Variants in IQUB observed in about 807,000 individuals in gnomAD.
IQUB encodes IQ motif and ubiquitin domain containing.
In IQUB, 86 loss-of-function variants were observed where a neutral mutation model predicts 86.4. The ratio of observed to expected loss-of-function variants is 1.00; its 90% CI spans 0.84 to 1.19. The LOEUF (loss-of-function observed/expected upper bound fraction) is 1.19, where lower values mean the gene tolerates loss of function less well. Among genes scored for constraint, IQUB ranks in the 50% most tolerant of loss-of-function variants. IQUB has a pLI of 0.00. For missense variants in IQUB, 946 were observed against 916.9 expected (o/e 1.03, Z -0.41); for synonymous variants, 289 against 304.5 (o/e 0.95, Z 0.53).
intron 10 of IQUB, among the ~76,000 whole-genome samples, chr7:123,464,056 G>A (rs1794130594): frequency 6.6e-6 from 1 of 151,586 alleles, no homozygotes; most frequent in African/African-American, 2.4e-5. Flanking sequence ...GACTAAATAT[G>A]AGAATTTGTT....
At chr7:123,490,641 G>A (rs1795415537) in intron 7 of IQUB, among the ~76,000 whole-genome samples, 1 of 152,092 alleles carries the variant, frequency 6.6e-6, no homozygotes, top group South Asian at 2.1e-4. Context: ...TTGTATTCTA[G>A]TTGTTAAAAT....
chr7:123,466,481 C>G (rs939939180), intron 9 of IQUB, among the ~76,000 whole-genome samples: 5 of 152,094 alleles, frequency 3.3e-5, no homozygotes, highest in Non-Finnish European at 7.4e-5. Flanking sequence ...CCCTACCTAT[C>G]TCTGTCTTTC....
rs182865451 is a variant in IQUB, at chr7:123,473,634, G to A, written c.1411-4250C>T. The stretch of plus-strand genomic sequence containing the variant: ...TCTGTTGCCCAGGCTGGAGTGCAAT[G>A]GTGCAATCTCGGCTCACTGCAGCTT... On this transcript the variant is annotated intron_variant, in intron 8 of 12. Transcript: ENST00000324698. Among the ~76,000 whole-genome samples, 257 of 152,106 alleles carry A rather than the reference G, an allele frequency of 1.7e-3. 1 individual carries two copies. The highest frequency in any genetic ancestry group is 5.9e-3 in the African/African-American group (245 of 41,498).
chr7:123,527,657 AG>A (rs2117374068), intron 1 of IQUB, among the ~76,000 whole-genome samples: 1 of 152,290 alleles, frequency 6.6e-6, no homozygotes, highest in African/African-American at 2.4e-5. Flanking sequence ...CCACTTGAGG[AG>A]GCAGTCTGCC....
At chr7:123,488,197 C>T (rs115267717) in intron 7 of IQUB, among the ~76,000 whole-genome samples, 5 of 151,654 alleles carry the variant, frequency 3.3e-5, no homozygotes, top group African/African-American at 7.3e-5. Flanking sequence ...AAAAATTATC[C>T]GGGCGCGGTG....
At chr7:123,505,842 G>T (rs1796153359) in intron 3 of IQUB, among the ~76,000 whole-genome samples, 1 of 152,144 alleles carries the variant, frequency 6.6e-6, no homozygotes. Flanking sequence ...TTGAAATAGG[G>T]TTTTTCTTTT....
intron 1 of IQUB, among the ~76,000 whole-genome samples, chr7:123,527,594 CCTGCTGGGGGGTGCCTCCCAGTTAGG>C (rs568096636): frequency 0.017 from 2,515 of 152,256 alleles, 70 homozygotes; most frequent in African/African-American, 0.057. Context: ...TCAGTCTGCC[CCTGCTGGGGGGTGCCTCCCAGTTAGG>C]CTGCTCGGGG....
chr7:123,524,529 G>T (rs1485264252), intron 1 of IQUB, among the ~76,000 whole-genome samples: 3 of 147,886 alleles, frequency 2.0e-5, no homozygotes, highest in Non-Finnish European at 1.5e-5. Context: ...AAGAATGCTT[G>T]TGATTTTTGT....
intron 3 of IQUB, among the ~76,000 whole-genome samples, chr7:123,505,376 C>T (rs1562863968): frequency 6.6e-6 from 1 of 152,200 alleles, no homozygotes; most frequent in South Asian, 2.1e-4. Context: ...CACATATTTC[C>T]CCTTTGCACC....
chr7:123,479,658 A>G (rs1794905288), intron 8 of IQUB, 137 bp downstream of exon 8: 1 of 662,872 alleles, frequency 1.5e-6, no homozygotes. Context: ...AATAAATCAA[A>G]TTTTAAGAAA....
At chr7:123,468,762 TTTGTTTC>T (rs755305619) in intron 9 of IQUB, among the ~76,000 whole-genome samples, 5 of 152,204 alleles carry the variant, frequency 3.3e-5, no homozygotes, top group Non-Finnish European at 7.3e-5. Flanking sequence ...CATCTCTGAG[TTTGTTTC>T]TTGTTTCTTG....
intron 2 of IQUB, among the ~76,000 whole-genome samples, chr7:123,510,535 T>C (rs1285159444): frequency 2.0e-5 from 3 of 152,088 alleles, no homozygotes; most frequent in South Asian, 2.1e-4. Context: ...TTCATGAATA[T>C]AGGAGGGAAA....
intron 8 of IQUB, among the ~76,000 whole-genome samples, chr7:123,479,087 T>C (rs1041511992): frequency 4.6e-5 from 7 of 152,036 alleles, no homozygotes; most frequent in Non-Finnish European, 8.8e-5. Context: ...TGTCCTCAAA[T>C]AATAAGAACC....
chr7:123,516,850 AG>A (rs1796658760), intron 1 of IQUB, among the ~76,000 whole-genome samples: 1 of 152,234 alleles, frequency 6.6e-6, no homozygotes, highest in African/African-American at 2.4e-5. Flanking sequence ...AAGCCTCTTT[AG>A]GAATAGGAAC....
At chr7:123,527,330 C>T (rs1477433817) in intron 1 of IQUB, among the ~76,000 whole-genome samples, 4 of 152,346 alleles carry the variant, frequency 2.6e-5, no homozygotes, top group African/African-American at 7.2e-5. Context: ...AAGTCATTCT[C>T]CATCCAGCTT....
At chr7:123,453,947 T>C (rs867227705) in intron 12 of IQUB, among the ~76,000 whole-genome samples, 1 of 152,124 alleles carries the variant, frequency 6.6e-6, no homozygotes, top group African/African-American at 2.4e-5. Context: ...TTCAATCAAA[T>C]CACAAATACT....
intron 8 of IQUB, among the ~76,000 whole-genome samples, chr7:123,473,196 T>TTA (rs1794608491): frequency 6.6e-6 from 1 of 152,202 alleles, no homozygotes; most frequent in Admixed American, 6.5e-5. Flanking sequence ...AACCTTTCTT[T>TTA]TACACAGCAC....
At chr7:123,497,026 G>T in intron 6 of IQUB, 120 bp from the exon 7 acceptor site, 1 of 618,642 alleles carries the variant, frequency 1.6e-6, no homozygotes, top group Non-Finnish European at 2.7e-6. Context: ...TCTAGTTTTA[G>T]CTCCAAATAC....
intron 10 of IQUB, among the ~76,000 whole-genome samples, chr7:123,461,961 T>A (rs1794010740): frequency 6.6e-6 from 1 of 151,888 alleles, no homozygotes; most frequent in Non-Finnish European, 1.5e-5. Flanking sequence ...TTACATTAGT[T>A]ATTTCTATAG....
Sources: gnomAD v4.1 joint callset for allele counts (sites outside exome capture counted in the v4.1 genomes callset) on GRCh38, gnomAD v4.1.1 for gene constraint, MANE v1.5 for transcripts, NCBI Gene and HGNC (gene_info 2026-07-23, HGNC 2026-07-21) for gene names.